CHRM3: variants seen among roughly 807,000 people sequenced by gnomAD.
CHRM3 encodes cholinergic receptor muscarinic 3.
In CHRM3, 11 loss-of-function variants were observed where a neutral mutation model predicts 41.8. The ratio of observed to expected loss-of-function variants is 0.26; its 90% confidence interval spans 0.17 to 0.44. The LOEUF is 0.44. Ranked by LOEUF, CHRM3 falls within the 20% of genes least tolerant of loss-of-function variation. The pLI is 1.00. For missense variants in CHRM3, 571 were observed against 745.4 expected (o/e 0.77, Z 2.72); for synonymous variants, 297 against 301.4 (o/e 0.99, Z 0.15).
At chr1:239,781,629 A>G (rs1034135372) in intron 5 of CHRM3, among the ~76,000 whole-genome samples, 4 of 151,984 alleles carry the variant, frequency 2.6e-5, no homozygotes, top group Non-Finnish European at 5.9e-5. Flanking sequence ...GTGTTATTGC[A>G]TTAGCTGGAA....
At chr1:239,614,683 C>G (rs1373799503) in intron 3 of CHRM3, among the ~76,000 whole-genome samples, 1 of 152,090 alleles carries the variant, frequency 6.6e-6, no homozygotes, top group Non-Finnish European at 1.5e-5. Context: ...TCCATTCTTT[C>G]CTTGGAACTC....
intron 6 of CHRM3, chr1:239,898,210 A>ATCC (rs1464282951): frequency 2.0e-5 from 3 of 152,214 alleles, no homozygotes; most frequent in Non-Finnish European, 4.4e-5. Flanking sequence ...TCTGTTTGAT[A>ATCC]TCCTCCGCGA....
chr1:239,686,581 C>G (rs1375824146), intron 5 of CHRM3, among the ~76,000 whole-genome samples: 3 of 152,140 alleles, frequency 2.0e-5, no homozygotes, highest in Non-Finnish European at 4.4e-5. Context: ...CCACTCTGCA[C>G]TATACTTTAT....
At chr1:239,446,070 G>A (rs1441005972) in intron 1 of CHRM3, among the ~76,000 whole-genome samples, 1 of 152,076 alleles carries the variant, frequency 6.6e-6, no homozygotes, top group Non-Finnish European at 1.5e-5. Context: ...CTGAGTAGCT[G>A]GAACTACAGG....
chr1:239,404,378 AAG>A (rs1381939575), intron 1 of CHRM3, among the ~76,000 whole-genome samples: 3 of 73,756 alleles, frequency 4.1e-5, no homozygotes, highest in Non-Finnish European at 7.8e-5. Flanking sequence ...GAAAGAAAGA[AAG>A]AAAGAAAGAA....
intron 5 of CHRM3, among the ~76,000 whole-genome samples, chr1:239,715,541 C>A (rs914837207): frequency 3.3e-5 from 5 of 152,024 alleles, no homozygotes; most frequent in African/African-American, 9.7e-5. Flanking sequence ...TGAGAAGATA[C>A]CTACAATTAG....
intron 5 of CHRM3, among the ~76,000 whole-genome samples, chr1:239,684,748 G>GAGAAAAAGAA (rs1553363710): frequency 9.3e-6 from 1 of 107,702 alleles, no homozygotes; most frequent in African/African-American, 3.5e-5. Flanking sequence ...GAGAAAGAAA[G>GAGAAAAAGAA]AGAAAGAAAG....
chr1:239,592,893 T>G (rs1664339129), intron 3 of CHRM3, among the ~76,000 whole-genome samples: 1 of 152,146 alleles, frequency 6.6e-6, no homozygotes, highest in Admixed American at 6.5e-5. Context: ...TTCACACTTG[T>G]TCTTTTTTGT....
At chr1:239,659,327 C>A (rs1433112341) in intron 4 of CHRM3, among the ~76,000 whole-genome samples, 1 of 152,152 alleles carries the variant, frequency 6.6e-6, no homozygotes, top group Admixed American at 6.5e-5. Flanking sequence ...GTGTCTCCCT[C>A]TTGTCTGGAG....
intron 2 of CHRM3, among the ~76,000 whole-genome samples, chr1:239,515,420 T>TC (rs1383543558): frequency 6.6e-6 from 1 of 151,532 alleles, no homozygotes; most frequent in Non-Finnish European, 1.5e-5. Context: ...TTGTTTTTTT[T>TC]TTTTTTAATT....
chr1:239,816,329 G>C (rs938012531), intron 5 of CHRM3, among the ~76,000 whole-genome samples: 1 of 152,096 alleles, frequency 6.6e-6, no homozygotes, highest in Non-Finnish European at 1.5e-5. Flanking sequence ...CTACTCCACC[G>C]GTGTTGCTCC....
Position 239,907,673 on chromosome 1 carries a change from A to G in CHRM3, c.222A>G (p.Leu74=), listed in dbSNP as rs1189199100. 6.2e-7 allele frequency: 1 copy of G among 1,614,158 alleles called. No homozygotes were observed. Among genetic ancestry groups the G allele is most frequent in the African/African-American group, 1.3e-5 (1 of 75,048 alleles). ...TVWQVVFIAF[L]TGILALVTII... Reference sequence around the variant, plus strand: ...GGCAAGTGGTCTTCATCGCTTTCTTAACGGGCATCCTGGCCTTGGTGACCA... The same window carrying G: ...GGCAAGTGGTCTTCATCGCTTTCTTGACGGGCATCCTGGCCTTGGTGACCA... The change falls in exon 7 of 7, where the codon TTA becomes TTG. Residue 74 remains leucine, a synonymous_variant. Transcript: ENST00000676153. The surrounding 1 kb of genome is among the most constrained non-coding windows in gnomAD (Gnocchi z 5.4).
chr1:239,440,600 A>G (rs1434329360), intron 1 of CHRM3, among the ~76,000 whole-genome samples: 2 of 152,364 alleles, frequency 1.3e-5, no homozygotes, highest in African/African-American at 2.4e-5. Context: ...CTCTACATTC[A>G]GGTGTTAAGT....
intron 3 of CHRM3, among the ~76,000 whole-genome samples, chr1:239,609,484 AG>A (rs1273400138): frequency 1.3e-5 from 2 of 152,218 alleles, no homozygotes; most frequent in African/African-American, 2.4e-5. Context: ...GTGTGGAAAA[AG>A]GCTGTCATTT....
At chr1:239,671,719 C>G (rs908166650) in intron 4 of CHRM3, among the ~76,000 whole-genome samples, 1 of 150,744 alleles carries the variant, frequency 6.6e-6, no homozygotes, top group African/African-American at 2.4e-5. Context: ...TACATTTCAT[C>G]CTGTTACTCT....
intron 3 of CHRM3, among the ~76,000 whole-genome samples, chr1:239,553,513 T>C (rs1333694681): frequency 1.3e-5 from 2 of 152,058 alleles, no homozygotes; most frequent in Non-Finnish European, 2.9e-5. Context: ...TCAAATAATA[T>C]CATTTAACAT....
chr1:239,500,002 A>G (rs1431100217), intron 2 of CHRM3, among the ~76,000 whole-genome samples: 1 of 152,206 alleles, frequency 6.6e-6, no homozygotes, highest in African/African-American at 2.4e-5. Context: ...TCTTGAAACA[A>G]ATCCTGGAAA....
At chr1:239,432,900 C>G (rs1662938396) in intron 1 of CHRM3, among the ~76,000 whole-genome samples, 1 of 151,928 alleles carries the variant, frequency 6.6e-6, no homozygotes, top group Non-Finnish European at 1.5e-5. Flanking sequence ...TATTCTTGTT[C>G]CTCTAATTAA....
chr1:239,640,821 T>C (rs1218700158), intron 4 of CHRM3, among the ~76,000 whole-genome samples: 16 of 149,126 alleles, frequency 1.1e-4, no homozygotes, highest in Non-Finnish European at 1.6e-4. Flanking sequence ...TTGAATGTGT[T>C]TGCTCTTGCT....
Sources: gnomAD v4.1 joint callset for allele counts (sites outside exome capture counted in the v4.1 genomes callset) on GRCh38, gnomAD v4.1.1 for gene constraint, Gnocchi (gnomAD v3.1) non-coding constraint, MANE v1.5 for transcripts, NCBI Gene and HGNC (gene_info 2026-07-23, HGNC 2026-07-21) for gene names.